ADGRB3: variants seen among roughly 807,000 people sequenced by gnomAD.
ADGRB3 encodes brain-specific angiogenesis inhibitor 3.
Under a neutral mutation model 193.4 loss-of-function variants are expected in ADGRB3, and 37 were observed. The ratio of observed to expected loss-of-function variants is 0.19; its 90% CI spans 0.15 to 0.25. The LOEUF (loss-of-function observed/expected upper bound fraction) is 0.25. Ranked by LOEUF, ADGRB3 falls within the 10% of genes least tolerant of loss-of-function variation. The pLI is 1.00. For missense variants in ADGRB3, 1,637 were observed against 1,852.9 expected (o/e 0.88, Z 2.14); for synonymous variants, 690 against 644.2 (o/e 1.07, Z -1.08).
chr6:69,177,912 C>T (rs931770135), intron 17 of ADGRB3, among the ~76,000 whole-genome samples: 14 of 152,186 alleles, frequency 9.2e-5, no homozygotes, highest in African/African-American at 2.7e-4. Context: ...TGTATATTCT[C>T]TGGCTCATGG....
chr6:68,653,657 T>A (rs972562749), intron 3 of ADGRB3, among the ~76,000 whole-genome samples: 2 of 152,090 alleles, frequency 1.3e-5, no homozygotes, highest in African/African-American at 4.8e-5. Flanking sequence ...TTTCAACATT[T>A]AAAGATACTC....
At chr6:69,316,791 A>G (rs1768321997) in intron 20 of ADGRB3, among the ~76,000 whole-genome samples, 1 of 151,536 alleles carries the variant, frequency 6.6e-6, no homozygotes. Flanking sequence ...TAATCTTTCA[A>G]GAAGTTTGAC....
At chr6:68,834,201 C>T (rs1170818300) in intron 3 of ADGRB3, among the ~76,000 whole-genome samples, 2 of 151,812 alleles carry the variant, frequency 1.3e-5, no homozygotes, top group African/African-American at 4.8e-5. Context: ...TATATAATAC[C>T]CAAAATCACA....
intron 17 of ADGRB3, among the ~76,000 whole-genome samples, chr6:69,227,437 C>T (rs6937106): frequency 0.032 from 4,836 of 152,158 alleles, 92 homozygotes; most frequent in Middle Eastern, 0.051. Context: ...ACATAATTGT[C>T]GACAGGATCT....
At chr6:68,738,624 A>T (rs1394547154) in intron 3 of ADGRB3, among the ~76,000 whole-genome samples, 1 of 152,162 alleles carries the variant, frequency 6.6e-6, no homozygotes, top group Non-Finnish European at 1.5e-5. Flanking sequence ...AAAGTATAAA[A>T]TATGAAAATA....
intron 8 of ADGRB3, among the ~76,000 whole-genome samples, chr6:68,967,484 C>CA (rs1459313022): frequency 3.9e-5 from 6 of 152,028 alleles, no homozygotes; most frequent in Admixed American, 2.6e-4. Flanking sequence ...CAAACTTAGT[C>CA]ATTACATGAT....
chr6:68,940,113 A>G (rs980896219), intron 5 of ADGRB3, among the ~76,000 whole-genome samples: 3 of 152,214 alleles, frequency 2.0e-5, no homozygotes, highest in African/African-American at 7.2e-5. Context: ...CATTTAGCAG[A>G]ATTTTTGCTT....
At chr6:69,002,713 G>T (rs1409657231) in intron 11 of ADGRB3, among the ~76,000 whole-genome samples, 1 of 152,072 alleles carries the variant, frequency 6.6e-6, no homozygotes. Flanking sequence ...CTATTAATAT[G>T]ATAATATAAT....
At chr6:69,344,281 C>T (rs1273869899) in intron 26 of ADGRB3, among the ~76,000 whole-genome samples, 1 of 152,184 alleles carries the variant, frequency 6.6e-6, no homozygotes, top group African/African-American at 2.4e-5. Context: ...CAAGCACTGG[C>T]AGGAGGTCTA....
chr6:69,285,669 T>C (rs1767533447), intron 20 of ADGRB3, among the ~76,000 whole-genome samples: 1 of 151,996 alleles, frequency 6.6e-6, no homozygotes, highest in Non-Finnish European at 1.5e-5. Flanking sequence ...AGACTCCATC[T>C]TAAAAATAAA....
In ADGRB3 at chr6:68,842,993, A is replaced by T. The variant is rs116603954; in HGVS notation, c.758-87566A>T. 4.7e-3 allele frequency among the ~76,000 whole-genome samples: 709 copies of T among 151,828 alleles called. 4 individuals carry two copies. The highest frequency in any genetic ancestry group is 0.016 in the African/African-American group (665 of 41,496). On this transcript the variant is annotated intron_variant, in intron 3 of 31. Transcript: ENST00000370598. ...AATATCACTTTATGGTAAAAAACAT[A>T]AAAAAAGCTGGGTGTAGAAAGAATG...
intron 3 of ADGRB3, among the ~76,000 whole-genome samples, chr6:68,913,269 G>A (rs565948114): frequency 1.3e-5 from 2 of 152,136 alleles, no homozygotes; most frequent in South Asian, 2.1e-4. Flanking sequence ...CCTGACCCCC[G>A]AGCAGCCTAA....
intron 17 of ADGRB3, among the ~76,000 whole-genome samples, chr6:69,127,329 C>T (rs1285044210): frequency 3.9e-5 from 6 of 152,114 alleles, no homozygotes; most frequent in Non-Finnish European, 5.9e-5. Flanking sequence ...ATTATGTCTT[C>T]GTATATTTTA....
intron 17 of ADGRB3, among the ~76,000 whole-genome samples, chr6:69,223,578 G>T (rs2127251330): frequency 6.6e-6 from 1 of 151,100 alleles, no homozygotes; most frequent in South Asian, 2.1e-4. Context: ...AGGAGAAAAA[G>T]GTGTAAAATA....
At position 69,361,121 on chromosome 6, in the gene ADGRB3, T is replaced by C. The variant is rs1769441525; in HGVS notation, c.3848T>C (p.Leu1283Ser). 1 of 1,612,766 alleles carries C rather than the reference T, an allele frequency of 6.2e-7. No individual in the cohort carries two copies. The highest frequency in any genetic ancestry group is 1.3e-5 in the African/African-American group (1 of 74,858). The change falls in exon 29 of 32, where the codon TTA (leucine) becomes TCA (serine). Residue 1283 changes from leucine (L) to serine (S), a missense_variant. Transcript: ENST00000370598. Reference sequence around the variant, plus strand: ...AGTGAATTGCGGAGAACTGTGTACTTATGTACGGATGATAATTTGAGAGGG... The same window carrying C: ...AGTGAATTGCGGAGAACTGTGTACTCATGTACGGATGATAATTTGAGAGGG... ...ENSELRRTVYLCTDDNLRGAD... is the reference protein window; with the variant it reads ...ENSELRRTVYSCTDDNLRGAD...
At chr6:69,118,514 G>T (rs531362770) in intron 17 of ADGRB3, among the ~76,000 whole-genome samples, 51 of 152,134 alleles carry the variant, frequency 3.4e-4, no homozygotes, top group Admixed American at 9.8e-4. Flanking sequence ...CTTTACCTCA[G>T]TTCTAAATTC....
At position 68,868,951 on chromosome 6, in the gene ADGRB3, G is replaced by GTGTGTGTGTGTGTT. The variant is rs781022363; in HGVS notation, c.758-61607_758-61606insGTGTGTGTGTGTTT. ...TGTGTGTGTGTGTGTGAGTGTGTGT[G>GTGTGTGTGTGTGTT]TTTAAACTTAATCTTAGCATCCTAT... On this transcript the variant is annotated intron_variant, in intron 3 of 31. Transcript: ENST00000370598. Among the ~76,000 whole-genome samples, 954 of 150,416 alleles carry GTGTGTGTGTGTGTT rather than the reference G, an allele frequency of 6.3e-3. 13 individuals are homozygous for GTGTGTGTGTGTGTT. The highest frequency in any genetic ancestry group is 0.015 in the African/African-American group (608 of 40,826).
rs140675670 is a variant in ADGRB3, at chr6:69,148,520, G to T, written c.2480+72482G>T. On this transcript the variant is annotated intron_variant, in intron 17 of 31. Transcript: ENST00000370598. ...TTGAGAAATTGTAGTTATTATTTTT[G>T]ATTGGTTCATCCTTTAGTCTTTCTA... is the stretch of plus-strand genomic sequence containing the variant. 5.6e-4 allele frequency among the ~76,000 whole-genome samples: 85 copies of T among 152,052 alleles called. 1 individual carries two copies. The East Asian group carries it at 0.011, about 20-fold the overall frequency.
intron 17 of ADGRB3, among the ~76,000 whole-genome samples, chr6:69,213,001 CATA>C (rs1294080118): frequency 6.6e-6 from 1 of 152,092 alleles, no homozygotes; most frequent in African/African-American, 2.4e-5. Context: ...AATATGATCC[CATA>C]ATGTTTCAGT....
Sources: allele counts gnomAD v4.1 joint callset (sites outside exome capture counted in the v4.1 genomes callset), GRCh38; gene constraint gnomAD v4.1.1; transcripts MANE v1.5; gene names NCBI Gene and HGNC (gene_info 2026-07-23, HGNC 2026-07-21).